The following LAMA5 variants were observed in gnomAD, a reference collection of about 807,000 sequenced individuals.
The protein encoded by LAMA5 is laminin subunit alpha 5.
In LAMA5, 260 loss-of-function variants were observed where a neutral mutation model predicts 433.4. That is an observed-to-expected ratio of 0.60 (90% CI 0.54 to 0.66). The LOEUF (loss-of-function observed/expected upper bound fraction) is 0.66. Among genes scored for constraint, LAMA5 ranks in the 30% least tolerant of loss-of-function variants. The probability of loss-of-function intolerance (pLI) is 0.00; values close to 1 mark genes in which losing one functional copy is unlikely to be tolerated. For missense variants in LAMA5, 5,378 were observed against 5,258.5 expected, an observed-to-expected ratio of 1.02 and a Z score of -0.70; for synonymous variants, 2,620 against 2,226.6, an observed-to-expected ratio of 1.18 and a Z score of -4.97.
At position 62,328,919 on chromosome 20, in the gene LAMA5, G is replaced by T; in HGVS notation, c.4372C>A (p.Pro1458Thr). The T allele has an allele frequency of 1.2e-6, 2 of 1,611,636 alleles. No individual in the cohort carries two copies. The highest frequency in any genetic ancestry group is 2.2e-5 in the South Asian group (2 of 91,012). Reference sequence around the variant, plus strand: ...CGGCCAATGACATGGGCATGGCAGGGACACTGGCCCCCGAAGGGCTCACAC... The same window carrying T: ...CGGCCAATGACATGGGCATGGCAGGTACACTGGCCCCCGAAGGGCTCACAC... ...PTCEPFGGQC[P>T]CHAHVIGRDC... is the part of the protein sequence containing the mutation. Residue 1458 changes from proline to threonine, a missense_variant, in exon 34 of 80, where the codon CCC becomes ACC. By Grantham distance (38) the Pro-to-Thr change is conservative. Coordinates refer to ENST00000252999, the MANE Select transcript of LAMA5 (RefSeq NM_005560.6).
In LAMA5 at chr20:62,324,018, C is replaced by T. The variant is rs1160130019; in HGVS notation, c.5768+62G>A. The T allele has an allele frequency of 1.3e-5, 19 of 1,449,654 alleles. No individual in the cohort carries two copies. Among genetic ancestry groups the T allele is most frequent in the Admixed American group, 8.9e-5 (3 of 33,740 alleles). 89.8% of individuals were successfully genotyped at this position (1,449,654 alleles called of 1,614,324 possible). On this transcript the variant is annotated intron_variant, in intron 43 of 79. Coordinates refer to ENST00000252999, the MANE Select transcript of LAMA5 (RefSeq NM_005560.6). This position sits in a 1 kb window ranked among gnomAD's most constrained non-coding sequence, Gnocchi z 4.4. Reference sequence around the variant, plus strand: ...TGCAGAGGGCAGTGGGAACCCACCCCGCTGCTGGGTGAAGGGAGCCTGGCA... The same window carrying T: ...TGCAGAGGGCAGTGGGAACCCACCCTGCTGCTGGGTGAAGGGAGCCTGGCA...
chr20:62,324,179 GC>G lies in LAMA5; in HGVS notation c.5668del (p.Ala1890ProfsTer11). The G allele has an allele frequency of 6.4e-7, 1 of 1,573,330 alleles. No individual in the cohort carries two copies. Among genetic ancestry groups the G allele is most frequent in the Non-Finnish European group, 8.6e-7 (1 of 1,169,402 alleles). On this transcript the variant is annotated frameshift_variant, in exon 43 of 80. Transcript: ENST00000252999. LOFTEE classifies it high-confidence loss of function. This position sits in a 1 kb window ranked among gnomAD's most constrained non-coding sequence, Gnocchi z 4.4. ...CVDCQHNTEG[A>X]HCERCQAGFV... ...GCCAGCCTGGCAGCGCTCACAGTGGGCCCCTTCGGTGTTGTGCTGGCAGTCC... is the reference window on the plus strand; with the variant it reads ...GCCAGCCTGGCAGCGCTCACAGTGGGCCCTTCGGTGTTGTGCTGGCAGTCC...
rs1185832797 is a variant in LAMA5, at chr20:62,324,544, G to A, written c.5540C>T (p.Pro1847Leu). The change falls in exon 42 of 80, where the codon CCC becomes CTC. Residue 1847 changes from proline to leucine, a missense_variant. Transcript: ENST00000252999. This position sits in a 1 kb window ranked among gnomAD's most constrained non-coding sequence, Gnocchi z 4.4. ...YRGDSCQECA[P>L]GFYRDVKGLF... ...ACCTTTGACGTCCCGATAGAAGCCG[G>A]GGGCACATTCCTGAGGGTGTACGGG... is the stretch of plus-strand genomic sequence containing the variant. The A allele has an allele frequency of 1.2e-6, 2 of 1,611,078 alleles. No homozygotes were observed. The highest frequency in any genetic ancestry group is 2.7e-5 in the African/African-American group (2 of 74,862).
chr20:62,341,423 G>C (rs555066361), intron 11 of LAMA5, among the ~76,000 whole-genome samples: 2 of 152,318 alleles, frequency 1.3e-5, no homozygotes, highest in South Asian at 4.1e-4. Context: ...GTCCAGGCTG[G>C]ATAACTCTTT....
intron 67 of LAMA5, 34 bp from the exon 68 acceptor site, chr20:62,312,566 A>G: frequency 6.3e-7 from 1 of 1,598,674 alleles, no homozygotes; most frequent in Non-Finnish European, 8.5e-7. Flanking sequence ...TCAGGGCGCC[A>G]CCTCCAAGCC....
chr20:62,314,403 T>C lies in LAMA5; in HGVS notation c.8405A>G (p.Lys2802Arg). Residue 2802 changes from lysine to arginine, a missense_variant, in exon 62 of 80, where the codon AAG becomes AGG. Coordinates refer to ENST00000252999, the MANE Select transcript of LAMA5 (RefSeq NM_005560.6). Reference protein sequence around the residue: ...GDYMGVSLRDKKVHWVYQLGE... With the variant: ...GDYMGVSLRDRKVHWVYQLGE... ...CAGCTGATACACCCAGTGCACCTTC[T>C]TGTCACGCAGAGACACACCCATGTA... 1 of 1,613,454 alleles carries C rather than the reference T, an allele frequency of 6.2e-7. No individual in the cohort carries two copies. The highest frequency in any genetic ancestry group is 8.5e-7 in the Non-Finnish European group (1 of 1,179,938).
At position 62,353,145 on chromosome 20, in the gene LAMA5, T is replaced by C; in HGVS notation, c.557A>G (p.Gln186Arg). The C allele has an allele frequency of 6.3e-7, 1 of 1,574,994 alleles. No individual in the cohort carries two copies. The highest frequency in any genetic ancestry group is 8.6e-7 in the Non-Finnish European group (1 of 1,160,564). ...CGGCAGAGACTCACAGGCAAAGAAC[T>C]GCCAGGGCTGGTAGGTGCGGCCGAA... ...MDFGRTYQPW[Q>R]FFASSKRDCL... The change falls in exon 3 of 80, where the codon CAG becomes CGG. Residue 186 changes from glutamine to arginine, a missense_variant. Transcript: ENST00000252999.
At chr20:62,346,258 C>G (rs1460394900) in intron 9 of LAMA5, 43 bp from the exon 10 acceptor site, 1 of 1,587,838 alleles carries the variant, frequency 6.3e-7, no homozygotes, top group Non-Finnish European at 8.6e-7. Context: ...GCTACCAGGA[C>G]TCAAGGGGTG....
Position 62,314,409 on chromosome 20 carries a change from C to A in LAMA5, c.8399G>T (p.Arg2800Leu). The A allele has an allele frequency of 1.9e-6, 3 of 1,613,488 alleles. No homozygotes were observed. The highest frequency in any genetic ancestry group is 2.5e-6 in the Non-Finnish European group (3 of 1,179,948). Reference sequence around the variant, plus strand: ...ATACACCCAGTGCACCTTCTTGTCACGCAGAGACACACCCATGTAGTCCCC... The same window carrying A: ...ATACACCCAGTGCACCTTCTTGTCAAGCAGAGACACACCCATGTAGTCCCC... ...ATGDYMGVSL[R>L]DKKVHWVYQL... The change falls in exon 62 of 80, where the codon CGT becomes CTT. Residue 2800 changes from arginine (R) to leucine (L), a missense_variant. Coordinates refer to ENST00000252999, the MANE Select transcript of LAMA5 (RefSeq NM_005560.6).
chr20:62,345,755 C>G (rs1983254443), intron 11 of LAMA5, 63 bp downstream of exon 11: 1 of 1,231,710 alleles, frequency 8.1e-7, no homozygotes, highest in Non-Finnish European at 1.1e-6. Context: ...CAGGAACTTT[C>G]TGTGAAGCCG....
rs765020665 is a variant in LAMA5, at chr20:62,312,978, G to A, written c.8988C>T (p.Gly2996=). The part of the protein sequence containing the change: ...SQFLCLAVQE[G]SLVLLYDFGA... ...CAAAGTCATACAACAGCACGAGGCTGCCTTCTTGCACGGCCAAGCACAGGA... is the reference window on the plus strand; with the variant it reads ...CAAAGTCATACAACAGCACGAGGCTACCTTCTTGCACGGCCAAGCACAGGA... Residue 2996 remains glycine (G), a synonymous_variant, in exon 66 of 80, where the codon GGC becomes GGT. Transcript: ENST00000252999. 1.9e-6 allele frequency: 3 copies of A among 1,581,498 alleles called. No homozygotes were observed. The highest frequency in any genetic ancestry group is 2.6e-6 in the Non-Finnish European group (3 of 1,161,586).
intron 48 of LAMA5, among the ~76,000 whole-genome samples, 177 bp from the exon 49 acceptor site, chr20:62,321,067 T>A (rs565558273): frequency 6.8e-6 from 1 of 146,694 alleles, no homozygotes; most frequent in African/African-American, 2.6e-5. Context: ...TAGGGTCAGG[T>A]AGGAGTCAGA....
chr20:62,332,499 C>A lies in LAMA5; in HGVS notation c.3444-19G>T. 1 of 1,610,892 alleles carries A rather than the reference C, an allele frequency of 6.2e-7. No individual in the cohort carries two copies. The stretch of plus-strand genomic sequence containing the variant: ...CAGGGTGCTGTGGGGGGAGGGTGGT[C>A]AGCAGGTGGGGCAGCCCCGGGCGTG... On this transcript the variant is annotated intron_variant, in intron 27 of 79. Coordinates refer to ENST00000252999, the MANE Select transcript of LAMA5 (RefSeq NM_005560.6).
At position 62,330,791 on chromosome 20, in the gene LAMA5, G is replaced by T; in HGVS notation, c.3804C>A (p.Pro1268=). ...MSPAGPRPRP[P]TAVDPDAEPT... is the part of the protein sequence containing the mutation. ...GCTCTGCATCAGGGTCCACAGCGGT[G>T]GGGGGCCGAGGTCGGGGTCCAGCTG... is the stretch of plus-strand genomic sequence containing the variant. The change falls in exon 30 of 80, where the codon CCC becomes CCA. Residue 1268 remains proline, a synonymous_variant. Coordinates refer to ENST00000252999, the MANE Select transcript of LAMA5 (RefSeq NM_005560.6). 1.9e-6 allele frequency: 3 copies of T among 1,560,398 alleles called. No individual in the cohort carries two copies. The highest frequency in any genetic ancestry group is 2.6e-6 in the Non-Finnish European group (3 of 1,153,678).
At position 62,320,714 on chromosome 20, in the gene LAMA5, G is replaced by A. The variant is rs745664010; in HGVS notation, c.6648+25C>T. The A allele has an allele frequency of 3.1e-6, 5 of 1,612,264 alleles. No homozygotes were observed. The Admixed American group carries it at 5.0e-5, about 16-fold the overall frequency. On this transcript the variant is annotated intron_variant, in intron 49 of 79. Coordinates refer to ENST00000252999, the MANE Select transcript of LAMA5 (RefSeq NM_005560.6). ...AAGGCCTGCACTGGCCCGGGTTGGG[G>A]AGGGAAGGCCAGGACGCTCAGTACC...
intron 17 of LAMA5, 51 bp downstream of exon 17, chr20:62,336,683 C>G (rs759908675): frequency 6.2e-7 from 1 of 1,603,898 alleles, no homozygotes. Context: ...GGACTTTTAG[C>G]TTGGCCTGGG....
At position 62,327,601 on chromosome 20, in the gene LAMA5, G is replaced by A; in HGVS notation, c.4866C>T (p.Pro1622=). Residue 1622 remains proline (P), a synonymous_variant, in exon 37 of 80, where the codon CCC becomes CCT. Coordinates refer to ENST00000252999, the MANE Select transcript of LAMA5 (RefSeq NM_005560.6). ...AGCAGAAGCAGCGGGTGCAACCTTTGGGGTTGGCAGCATCCAGTGAGAAGG... is the reference window on the plus strand; with the variant it reads ...AGCAGAAGCAGCGGGTGCAACCTTTAGGGTTGGCAGCATCCAGTGAGAAGG... ...LGTFSLDAAN[P]KGCTRCFCFG... is the part of the protein sequence containing the mutation. 5.6e-6 allele frequency: 9 copies of A among 1,613,078 alleles called. No individual in the cohort carries two copies. The highest frequency in any genetic ancestry group is 7.6e-6 in the Non-Finnish European group (9 of 1,180,016).
In LAMA5 at chr20:62,336,765, C is replaced by G; in HGVS notation, c.2186G>C (p.Gly729Ala). 6.2e-7 allele frequency: 1 copy of G among 1,612,948 alleles called. No homozygotes were observed. The highest frequency in any genetic ancestry group is 8.5e-7 in the Non-Finnish European group (1 of 1,179,982). Residue 729 changes from glycine (G) to alanine (A), a missense_variant, in exon 17 of 80, where the codon GGT (glycine) becomes GCT (alanine). Transcript: ENST00000252999. ...YCEAGSCHPA[G>A]LAPVDPALPE... is the part of the protein sequence containing the mutation. Reference sequence around the variant, plus strand: ...AAGGGCAGGATCCACTGGGGCCAGACCGGCAGGGTGGCAAGAGCCAGCTGT... The same window carrying G: ...AAGGGCAGGATCCACTGGGGCCAGAGCGGCAGGGTGGCAAGAGCCAGCTGT...
intron 11 of LAMA5, among the ~76,000 whole-genome samples, chr20:62,341,440 T>A (rs1049045052): frequency 6.6e-6 from 1 of 152,226 alleles, no homozygotes; most frequent in Non-Finnish European, 1.5e-5. Context: ...CTTTGTTATG[T>A]GTGCAGGAGC....
Sources: allele counts gnomAD v4.1 joint callset (sites outside exome capture counted in the v4.1 genomes callset), GRCh38; gene constraint gnomAD v4.1.1; non-coding constraint Gnocchi (gnomAD v3.1); transcripts MANE v1.5; gene names NCBI Gene and HGNC (gene_info 2026-07-23, HGNC 2026-07-21).